Variants in ANK3 observed in about 807,000 individuals in gnomAD.
ANK3 encodes the protein ankyrin 3.
In ANK3, 57 loss-of-function variants were observed where a neutral mutation model predicts 370.9. That is an observed-to-expected ratio of 0.15 (90% CI 0.12 to 0.19). The LOEUF (loss-of-function observed/expected upper bound fraction) is 0.19. ANK3 is among the 10% of genes least tolerant of loss of function. The probability of loss-of-function intolerance (pLI) is 1.00; values close to 1 mark genes in which losing one functional copy is unlikely to be tolerated. For synonymous variants in ANK3, 1,929 were observed against 1,946.3 expected (o/e 0.99, Z 0.23); for missense variants, 4,439 against 5,302.1 (o/e 0.84, Z 5.06).
intron 2 of ANK3, among the ~76,000 whole-genome samples, chr10:60,568,648 CA>C (rs2133261722): frequency 6.6e-6 from 1 of 152,302 alleles, no homozygotes; most frequent in South Asian, 2.1e-4. Context: ...GTCAGTATCA[CA>C]TGATTTATTA....
At position 60,423,879 on chromosome 10, in the gene ANK3, A is replaced by T. The variant is rs142895272; in HGVS notation, c.97-144240T>A. Among the ~76,000 whole-genome samples, 454 of 152,138 alleles carry T rather than the reference A, an allele frequency of 3.0e-3. 3 individuals are homozygous for T. The highest frequency in any genetic ancestry group is 0.01 in the African/African-American group (423 of 41,524). On this transcript the variant is annotated intron_variant, in intron 2 of 43. Transcript: ENST00000373827. ...TGCCACAGCACGCTGGTTGCAAACA[A>T]CTCTCCTACCATTCTTTCATAAAAG... is the stretch of plus-strand genomic sequence containing the variant.
At chr10:60,714,212 T>C (rs1336741798) in intron 1 of ANK3, among the ~76,000 whole-genome samples, 1 of 152,226 alleles carries the variant, frequency 6.6e-6, no homozygotes, top group East Asian at 1.9e-4. Context: ...ACAGGTAATC[T>C]GAATAATCCT....
intron 2 of ANK3, among the ~76,000 whole-genome samples, chr10:60,422,432 G>T (rs2063798152): frequency 6.6e-6 from 1 of 152,002 alleles, no homozygotes; most frequent in African/African-American, 2.4e-5. Context: ...AGATCCTCTT[G>T]CTATCCAAGT....
intron 2 of ANK3, among the ~76,000 whole-genome samples, chr10:60,462,898 GTTTT>G (rs34470111): frequency 0.24 from 35,954 of 150,680 alleles, 4,531 homozygotes; most frequent in East Asian, 0.47. Flanking sequence ...CTTTTTTAAA[GTTTT>G]ATTTATTTTT....
chr10:60,089,374 C>T (rs527408434), intron 28 of ANK3, among the ~76,000 whole-genome samples: 3 of 152,164 alleles, frequency 2.0e-5, no homozygotes, highest in African/African-American at 7.2e-5. Context: ...TCCTGTCACC[C>T]GGGTGTTCAG....
chr10:60,491,193 T>G (rs975638921), intron 2 of ANK3, among the ~76,000 whole-genome samples: 2 of 152,244 alleles, frequency 1.3e-5, no homozygotes, highest in Non-Finnish European at 2.9e-5. Flanking sequence ...ATATTTGGAC[T>G]GATTCTAGTT....
At chr10:60,708,861 C>G (rs140522697) in intron 1 of ANK3, among the ~76,000 whole-genome samples, 125 of 152,226 alleles carry the variant, frequency 8.2e-4, no homozygotes, top group Non-Finnish European at 1.4e-3. Flanking sequence ...CTGCAAGCCT[C>G]AAGCCTTATT....
chr10:60,046,054 T>C (rs962054655), intron 42 of ANK3, among the ~76,000 whole-genome samples: 6 of 152,212 alleles, frequency 3.9e-5, no homozygotes, highest in African/African-American at 7.2e-5. Flanking sequence ...AAGGTGTTGC[T>C]TGATCTTGTT....
chr10:60,177,514 G>A (rs2096003013), intron 18 of ANK3, among the ~76,000 whole-genome samples: 1 of 150,868 alleles, frequency 6.6e-6, no homozygotes, highest in Admixed American at 6.6e-5. Context: ...TGATCACCCA[G>A]TTGCACAGGT....
At chr10:60,483,619 T>C (rs1162268219) in intron 2 of ANK3, among the ~76,000 whole-genome samples, 1 of 152,206 alleles carries the variant, frequency 6.6e-6, no homozygotes, top group African/African-American at 2.4e-5. Context: ...TTTATATCAA[T>C]GTGTAATAGC....
intron 40 of ANK3, 49 bp from the exon 41 acceptor site, chr10:60,059,479 T>G: frequency 1.3e-6 from 2 of 1,494,850 alleles, no homozygotes; most frequent in Non-Finnish European, 1.9e-6. Context: ...CGCTTAAGAA[T>G]AGCCTGTACT....
At position 60,382,159 on chromosome 10, in the gene ANK3, A is replaced by C. The variant is rs578020686; in HGVS notation, c.114+7266T>G. On this transcript the variant is annotated intron_variant, in intron 1 of 43. Coordinates refer to ENST00000280772, the MANE Select transcript of ANK3 (RefSeq NM_020987.5). ...CCTTACAAATGCCTCAGTGTCTCTG[A>C]CTTTCAGTACCTACAAAATCTTGAA... is the stretch of plus-strand genomic sequence containing the variant. 1.6e-4 allele frequency among the ~76,000 whole-genome samples: 25 copies of C among 152,238 alleles called. No homozygotes were observed. The South Asian group carries it at 5.0e-3, about 30-fold the overall frequency.
intron 2 of ANK3, among the ~76,000 whole-genome samples, chr10:60,613,385 A>T (rs2078226363): frequency 6.6e-6 from 1 of 152,180 alleles, no homozygotes; most frequent in South Asian, 2.1e-4. Flanking sequence ...CACTAACTAG[A>T]TCTATGCTCC....
At chr10:60,161,993 T>A (rs530651619) in intron 23 of ANK3, among the ~76,000 whole-genome samples, 2 of 152,340 alleles carry the variant, frequency 1.3e-5, no homozygotes, top group East Asian at 3.9e-4. Flanking sequence ...ACACATTGTA[T>A]AATTGTATCA....
intron 42 of ANK3, among the ~76,000 whole-genome samples, chr10:60,046,605 C>A (rs2077005123): frequency 6.6e-6 from 1 of 151,826 alleles, no homozygotes; most frequent in Non-Finnish European, 1.5e-5. Flanking sequence ...AAAAGCAAAA[C>A]CTATTTATAA....
chr10:60,690,144 G>A lies in ANK3; in HGVS notation c.57+43119C>T, dbSNP rs536629583. On this transcript the variant is annotated intron_variant, in intron 1 of 43. Transcript: ENST00000373827. Reference sequence around the variant, plus strand: ...AAGATGGCCGAATAGGAACAGCTCCGGTCTACAGCTCCCAGCAAGATCAAA... The same window carrying A: ...AAGATGGCCGAATAGGAACAGCTCCAGTCTACAGCTCCCAGCAAGATCAAA... 7.2e-5 allele frequency among the ~76,000 whole-genome samples: 11 copies of A among 152,224 alleles called. No individual in the cohort carries two copies. The South Asian group carries it at 1.7e-3, about 23-fold the overall frequency.
Position 60,088,347 on chromosome 10 carries a change from G to A in ANK3, c.3340C>T (p.Pro1114Ser). Reference sequence around the variant, plus strand: ...ATACGCTTTTTCCCTAACTCTTCTGGGCTATCAAGTTCTGAAAAGACAAAT... The same window carrying A: ...ATACGCTTTTTCCCTAACTCTTCTGAGCTATCAAGTTCTGAAAAGACAAAT... ...LNGMDEELDS[P>S]EELGKKRICR... is the part of the protein sequence containing the mutation. Residue 1114 changes from proline to serine, a missense_variant, in exon 29 of 44, where the codon CCA (proline) becomes TCA (serine). Coordinates refer to ENST00000280772, the MANE Select transcript of ANK3 (RefSeq NM_020987.5). 6.2e-7 allele frequency: 1 copy of A among 1,613,970 alleles called. No homozygotes were observed. Among genetic ancestry groups the A allele is most frequent in the Non-Finnish European group, 8.5e-7 (1 of 1,179,918 alleles).
intron 1 of ANK3, among the ~76,000 whole-genome samples, chr10:60,343,009 T>C (rs533497144): frequency 2.9e-4 from 44 of 152,236 alleles, no homozygotes; most frequent in African/African-American, 1.1e-3. Context: ...AGAAAACACT[T>C]TGGGAAATGT....
rs1321790537 is a variant in ANK3, at chr10:60,579,373, A to G, written c.96+35813T>C. On this transcript the variant is annotated intron_variant, in intron 2 of 43. Coordinates refer to the ANK3 transcript ENST00000373827. ...AAAGATATTTCTAGTTGCAAAATAAATAAATAAATAAATAAAATAAAGGAG... is the reference window on the plus strand; with the variant it reads ...AAAGATATTTCTAGTTGCAAAATAAGTAAATAAATAAATAAAATAAAGGAG... Among the ~76,000 whole-genome samples, 10 of 151,426 alleles carry G rather than the reference A, an allele frequency of 6.6e-5. No homozygotes were observed. In the East Asian group the frequency reaches 9.7e-4, roughly 15 times the overall value.
Sources: allele counts gnomAD v4.1 joint callset (sites outside exome capture counted in the v4.1 genomes callset), GRCh38; gene constraint gnomAD v4.1.1; transcripts MANE v1.5; gene names NCBI Gene and HGNC (gene_info 2026-07-23, HGNC 2026-07-21).